SLC22A3: variants seen among roughly 807,000 people sequenced by gnomAD.
The protein encoded by SLC22A3 is EMT organic cation transporter 3.
In SLC22A3, 51 loss-of-function variants were observed where a neutral mutation model predicts 59.1. The ratio of observed to expected loss-of-function variants is 0.86; its 90% CI spans 0.69 to 1.09. The LOEUF is 1.09. SLC22A3 is among the 50% of genes least tolerant of loss of function. SLC22A3 has a pLI of 0.00. For synonymous variants in SLC22A3, 325 were observed against 292.0 expected (o/e 1.11, Z -1.15); for missense variants, 711 against 726.3 (o/e 0.98, Z 0.24).
intron 1 of SLC22A3, among the ~76,000 whole-genome samples, chr6:160,384,102 G>A (rs900842361): frequency 3.3e-5 from 5 of 152,128 alleles, no homozygotes; most frequent in Admixed American, 2.6e-4. Flanking sequence ...GCTAATTCTT[G>A]TATTTTTAGT....
chr6:160,430,828 A>C (rs1168006630), intron 5 of SLC22A3, among the ~76,000 whole-genome samples: 3 of 152,236 alleles, frequency 2.0e-5, no homozygotes, highest in Non-Finnish European at 4.4e-5. Context: ...AAGGTATGAC[A>C]AAACGGGACG....
At chr6:160,359,275 C>T (rs1784941136) in intron 1 of SLC22A3, among the ~76,000 whole-genome samples, 1 of 152,252 alleles carries the variant, frequency 6.6e-6, no homozygotes, top group Non-Finnish European at 1.5e-5. Flanking sequence ...GAATGTTGAG[C>T]TTCAGGTTAG....
At chr6:160,371,292 CACTT>C (rs1182099371) in intron 1 of SLC22A3, among the ~76,000 whole-genome samples, 2 of 152,158 alleles carry the variant, frequency 1.3e-5, no homozygotes, top group Non-Finnish European at 2.9e-5. Flanking sequence ...ATCAACCTGT[CACTT>C]ACATTAGGTA....
intron 9 of SLC22A3, among the ~76,000 whole-genome samples, chr6:160,444,473 G>C (rs1239539033): frequency 1.3e-5 from 2 of 152,152 alleles, no homozygotes; most frequent in Non-Finnish European, 2.9e-5. Flanking sequence ...CATGTGGAGG[G>C]AGCAGGTGAC....
Position 160,451,374 on chromosome 6 carries a change from A to C in SLC22A3, c.*318A>C. 3 of 314,704 alleles carry C rather than the reference A, an allele frequency of 9.5e-6. No homozygotes were observed. Among genetic ancestry groups the C allele is most frequent in the South Asian group, 8.5e-5 (2 of 23,516 alleles). The allele number at this position is 314,704 out of a possible 1,614,324, so 19.5% of individuals were successfully genotyped here. On this transcript the variant is annotated 3_prime_UTR_variant, in exon 11 of 11. Coordinates refer to ENST00000275300, the MANE Select transcript of SLC22A3 (RefSeq NM_021977.4). ...CATTAGGCTAAAGAGAGACAAGAGA[A>C]GCCCCCAACCTGATTCTCATGACAG...
In SLC22A3 at chr6:160,452,267, AG is replaced by A. The variant is rs1317918287; in HGVS notation, c.*1214del. 1 of 152,224 alleles carries A rather than the reference AG, an allele frequency of 6.6e-6. No individual in the cohort carries two copies. The highest frequency in any genetic ancestry group is 2.4e-5 in the African/African-American group (1 of 41,458). The allele number at this position is 152,224 out of a possible 1,614,324, so 9.4% of individuals were successfully genotyped here. ...TGCAAACAGGCAAAATTGGTACCAA[AG>A]GGAAACATTAACCATGAGGAAGAGC... On this transcript the variant is annotated 3_prime_UTR_variant, in exon 11 of 11. Transcript: ENST00000275300.
intron 5 of SLC22A3, among the ~76,000 whole-genome samples, chr6:160,435,732 T>C (rs1208895653): frequency 6.6e-6 from 1 of 152,174 alleles, no homozygotes; most frequent in East Asian, 1.9e-4. Flanking sequence ...GTTGTACAAA[T>C]AGATAGCATC....
chr6:160,348,517 C>G lies in SLC22A3; in HGVS notation c.98C>G (p.Ala33Gly), dbSNP rs774881641. 5 of 1,567,304 alleles carry G rather than the reference C, an allele frequency of 3.2e-6. No homozygotes were observed. The highest frequency in any genetic ancestry group is 4.3e-6 in the Non-Finnish European group (5 of 1,164,364). Residue 33 changes from alanine (A) to glycine (G), a missense_variant, in exon 1 of 11, where the codon GCC (alanine) becomes GGC (glycine). Ala to Gly is a moderately conservative substitution (Grantham distance 60). Coordinates refer to ENST00000275300, the MANE Select transcript of SLC22A3 (RefSeq NM_021977.4). ...CTGTGCCTGACGGGCGTCACCTTCG[C>G]CTTCCTCTTCGTCGGCGTGGTCTTC... ...LLLCLTGVTF[A>G]FLFVGVVFLG...
At chr6:160,427,152 C>A (rs2114896002) in intron 5 of SLC22A3, among the ~76,000 whole-genome samples, 1 of 152,238 alleles carries the variant, frequency 6.6e-6, no homozygotes, top group Non-Finnish European at 1.5e-5. Context: ...GGAAGAGATG[C>A]TTGTGACCCG....
At chr6:160,408,979 A>C in intron 4 of SLC22A3, 58 bp downstream of exon 4, 1 of 1,463,964 alleles carries the variant, frequency 6.8e-7, no homozygotes, top group Admixed American at 1.9e-5. Context: ...TTAGACTCCA[A>C]ACAGACATGA....
intron 1 of SLC22A3, among the ~76,000 whole-genome samples, chr6:160,371,379 A>G (rs535909722): frequency 1.3e-5 from 2 of 151,662 alleles, no homozygotes; most frequent in East Asian, 3.9e-4. Context: ...TCCCCTCCCT[A>G]TGTCCATGTG....
At chr6:160,423,925 G>A (rs567024490) in intron 5 of SLC22A3, among the ~76,000 whole-genome samples, 11 of 152,256 alleles carry the variant, frequency 7.2e-5, no homozygotes, top group African/African-American at 1.9e-4. Context: ...GTATTGCCTA[G>A]GTTTTCTTCC....
chr6:160,404,418 A>C (rs554077138), intron 2 of SLC22A3, among the ~76,000 whole-genome samples: 11 of 152,250 alleles, frequency 7.2e-5, no homozygotes, highest in African/African-American at 2.6e-4. Flanking sequence ...GAAAAGTGCA[A>C]AACTCTAATG....
intron 2 of SLC22A3, among the ~76,000 whole-genome samples, chr6:160,399,671 C>G (rs1786679098): frequency 6.6e-6 from 1 of 152,058 alleles, no homozygotes; most frequent in South Asian, 2.1e-4. Context: ...ACTTAATAGG[C>G]CATTTGTCAA....
At chr6:160,446,508 C>T (rs1348234446) in intron 9 of SLC22A3, among the ~76,000 whole-genome samples, 1 of 152,054 alleles carries the variant, frequency 6.6e-6, no homozygotes, top group Non-Finnish European at 1.5e-5. Flanking sequence ...AAGAGAAGAG[C>T]AAGGAAAATT....
At chr6:160,398,611 G>T (rs1276328644) in intron 2 of SLC22A3, among the ~76,000 whole-genome samples, 1 of 152,074 alleles carries the variant, frequency 6.6e-6, no homozygotes, top group Non-Finnish European at 1.5e-5. Flanking sequence ...ATTCATAAAT[G>T]CAACTGCCCA....
At chr6:160,421,973 ACTCCT>A (rs1245317348) in intron 5 of SLC22A3, among the ~76,000 whole-genome samples, 1 of 152,064 alleles carries the variant, frequency 6.6e-6, no homozygotes, top group Non-Finnish European at 1.5e-5. Flanking sequence ...ATGAGAAAAT[ACTCCT>A]CTCTGTGAAC....
chr6:160,354,992 G>A (rs1784781312), intron 1 of SLC22A3, among the ~76,000 whole-genome samples: 1 of 152,190 alleles, frequency 6.6e-6, no homozygotes, highest in Admixed American at 6.5e-5. Context: ...AGTCCCCGGA[G>A]GATGGTGGAA....
chr6:160,401,227 A>G (rs2114840292), intron 2 of SLC22A3, among the ~76,000 whole-genome samples: 2 of 152,188 alleles, frequency 1.3e-5, no homozygotes, highest in South Asian at 4.1e-4. Flanking sequence ...CAAGCAAGAT[A>G]AACATAAAAA....
Sources: allele counts gnomAD v4.1 joint callset (sites outside exome capture counted in the v4.1 genomes callset), GRCh38; gene constraint gnomAD v4.1.1; transcripts MANE v1.5; gene names NCBI Gene and HGNC (gene_info 2026-07-23, HGNC 2026-07-21).